RHOA: variants seen among roughly 807,000 people sequenced by gnomAD.
RHOA encodes ras homolog family member A, also known as transforming protein RhoA.
A neutral mutation model predicts 17.5 loss-of-function variants in RHOA; 3 were observed. That is an observed-to-expected ratio of 0.17 (90% CI 0.08 to 0.44). RHOA has a LOEUF of 0.44. Ranked by LOEUF, RHOA falls within the 20% of genes least tolerant of loss-of-function variation. The pLI is 0.99. For synonymous variants in RHOA, 98 were observed against 88.4 expected (o/e 1.11, Z -0.61); for missense variants, 56 against 242.3 (o/e 0.23, Z 5.10).
chr3:49,399,056 A>C (rs1377985274), intron 1 of RHOA, among the ~76,000 whole-genome samples: 2 of 36,262 alleles, frequency 5.5e-5, no homozygotes, highest in Non-Finnish European at 5.7e-5. Context: ...CTCCGTCTCA[A>C]AAAAAAAAAA....
chr3:49,387,633 T>C (rs1409648355), intron 1 of RHOA, among the ~76,000 whole-genome samples: 3 of 150,220 alleles, frequency 2.0e-5, no homozygotes, highest in Non-Finnish European at 2.9e-5. Flanking sequence ...TAGTTCCAGC[T>C]ACTCAGGAGG....
chr3:49,376,644 CAAAAAAA>C (rs963176937), intron 1 of RHOA, among the ~76,000 whole-genome samples: 1,347 of 43,840 alleles, frequency 0.031, 22 homozygotes, highest in Non-Finnish European at 0.038. Flanking sequence ...CTCCATCTCA[CAAAAAAA>C]AAAAAAAAAA....
At chr3:49,386,313 T>C (rs919639308) in intron 1 of RHOA, among the ~76,000 whole-genome samples, 6 of 152,168 alleles carry the variant, frequency 3.9e-5, no homozygotes, top group South Asian at 2.1e-4. Context: ...AAACTAAATG[T>C]AGGGAAGCCT....
chr3:49,380,206 G>C (rs1290229382), intron 1 of RHOA, among the ~76,000 whole-genome samples: 1 of 152,128 alleles, frequency 6.6e-6, no homozygotes, highest in Non-Finnish European at 1.5e-5. Context: ...AGCCATCCTG[G>C]TATGTGAGAA....
intron 1 of RHOA, among the ~76,000 whole-genome samples, chr3:49,395,352 T>G (rs1000977474): frequency 6.6e-6 from 1 of 152,148 alleles, no homozygotes; most frequent in African/African-American, 2.4e-5. Context: ...CAGAGCAATC[T>G]GCATTCTATT....
chr3:49,384,307 A>G (rs1336008478), intron 1 of RHOA, among the ~76,000 whole-genome samples: 2 of 152,138 alleles, frequency 1.3e-5, no homozygotes, highest in Non-Finnish European at 1.5e-5. Context: ...CCACTTTGCT[A>G]TAATGCAGCA....
intron 1 of RHOA, among the ~76,000 whole-genome samples, chr3:49,376,762 T>C (rs1479096905): frequency 6.6e-6 from 1 of 152,072 alleles, no homozygotes; most frequent in Non-Finnish European, 1.5e-5. Flanking sequence ...GGCAGGTTGT[T>C]TGGGTAGACA....
chr3:49,369,037 T>TTTTTTTTG (rs1553632064), intron 2 of RHOA, among the ~76,000 whole-genome samples: 1 of 94,810 alleles, frequency 1.1e-5, no homozygotes, highest in African/African-American at 4.3e-5. Flanking sequence ...TTTTTTTTTT[T>TTTTTTTTG]TTGTTGAGAC....
At chr3:49,400,712 T>C (rs1575282839) in intron 1 of RHOA, among the ~76,000 whole-genome samples, 1 of 145,076 alleles carries the variant, frequency 6.9e-6, no homozygotes, top group South Asian at 2.2e-4. Context: ...CAGAGCAAGA[T>C]TGTAGCCAAA....
intron 1 of RHOA, among the ~76,000 whole-genome samples, chr3:49,390,454 C>G (rs902696474): frequency 6.6e-6 from 1 of 151,802 alleles, no homozygotes; most frequent in Non-Finnish European, 1.5e-5. Flanking sequence ...TTTGTAGAGA[C>G]GGGTTCACCA....
chr3:49,407,831 C>T (rs1253001955), intron 1 of RHOA, among the ~76,000 whole-genome samples: 1 of 152,082 alleles, frequency 6.6e-6, no homozygotes, highest in East Asian at 1.9e-4. Flanking sequence ...ATGTTTTCCT[C>T]TTTCCCTTCA....
At chr3:49,380,759 T>C (rs1364419808) in intron 1 of RHOA, among the ~76,000 whole-genome samples, 1 of 150,138 alleles carries the variant, frequency 6.7e-6, no homozygotes, top group East Asian at 1.9e-4. Context: ...AAAGGGTATG[T>C]TCCCCAACCA....
At chr3:49,376,116 C>A (rs892469715) in intron 1 of RHOA, among the ~76,000 whole-genome samples, 8 of 151,970 alleles carry the variant, frequency 5.3e-5, no homozygotes, top group Non-Finnish European at 8.8e-5. Context: ...GCTGGGATTA[C>A]AGGCGTGAGC....
At chr3:49,372,318 A>G (rs1437936929) in intron 2 of RHOA, among the ~76,000 whole-genome samples, 1 of 152,176 alleles carries the variant, frequency 6.6e-6, no homozygotes, top group Non-Finnish European at 1.5e-5. Flanking sequence ...TTCAGGGTAC[A>G]TCCCAAAATT....
chr3:49,408,440 T>A (rs1340782836), intron 1 of RHOA, among the ~76,000 whole-genome samples: 1 of 152,180 alleles, frequency 6.6e-6, no homozygotes, highest in Non-Finnish European at 1.5e-5. Context: ...GCTATAAAAA[T>A]GTATTTGGAT....
At chr3:49,385,987 G>GT (rs2048389414) in intron 1 of RHOA, among the ~76,000 whole-genome samples, 1 of 152,146 alleles carries the variant, frequency 6.6e-6, no homozygotes, top group Non-Finnish European at 1.5e-5. Context: ...TTGCTTTGCA[G>GT]TAAGTTTTAA....
chr3:49,361,709 C>T (rs545131628), intron 4 of RHOA, among the ~76,000 whole-genome samples: 17 of 151,862 alleles, frequency 1.1e-4, no homozygotes, highest in African/African-American at 3.4e-4. Context: ...GGAGAAAACC[C>T]GTCTCTACTA....
At chr3:49,387,052 G>A (rs2048407572) in intron 1 of RHOA, among the ~76,000 whole-genome samples, 1 of 130,198 alleles carries the variant, frequency 7.7e-6, no homozygotes, top group Non-Finnish European at 1.6e-5. Flanking sequence ...GGGAGGCGGA[G>A]GTTGCAGTGA....
intron 3 of RHOA, among the ~76,000 whole-genome samples, chr3:49,365,865 A>G (rs1424944337): frequency 6.6e-6 from 1 of 152,114 alleles, no homozygotes; most frequent in Non-Finnish European, 1.5e-5. Context: ...TGCTGGGATT[A>G]CAGGCGTGAG....
Sources: allele counts gnomAD v4.1 joint callset (sites outside exome capture counted in the v4.1 genomes callset), GRCh38; gene constraint gnomAD v4.1.1; transcripts MANE v1.5; gene names NCBI Gene and HGNC (gene_info 2026-07-23, HGNC 2026-07-21).